DIP2A: variants seen among roughly 807,000 people sequenced by gnomAD.
The protein encoded by DIP2A is disco-interacting protein 2 homolog A.
DIP2A carries 85 observed loss-of-function variants against 177.4 expected under a neutral mutation model. The ratio of observed to expected loss-of-function variants is 0.48; its 90% CI spans 0.40 to 0.57. The LOEUF is 0.57. DIP2A is among the 20% of genes least tolerant of loss of function. The pLI is 0.00. For missense variants in DIP2A, 1,791 were observed against 2,100.2 expected, an observed-to-expected ratio of 0.85 and a Z score of 2.88; for synonymous variants, 886 against 881.8, an observed-to-expected ratio of 1.00 and a Z score of -0.08.
chr21:46,546,801 A>AG, intron 20 of DIP2A, 114 bp from the exon 21 acceptor site: 1 of 1,232,554 alleles, frequency 8.1e-7, no homozygotes, highest in East Asian at 2.5e-5. Context: ...CCCGTTTGCA[A>AG]GGCGCTAGAG....
chr21:46,563,588 T>C lies in DIP2A; in HGVS notation c.4090-270T>C, dbSNP rs2060740433. ...GCTGGCATCACCTGGCTGATTGTCTTTGTAGGCTTAGTGACCCTCTGCCCC... is the reference window on the plus strand; with the variant it reads ...GCTGGCATCACCTGGCTGATTGTCTCTGTAGGCTTAGTGACCCTCTGCCCC... On this transcript the variant is annotated intron_variant, in intron 34 of 37. Transcript: ENST00000417564. The surrounding 1 kb of genome is among the most constrained non-coding windows in gnomAD (Gnocchi z 4.3). 2.2e-6 allele frequency: 1 copy of C among 447,024 alleles called. No individual in the cohort carries two copies. Among genetic ancestry groups the C allele is most frequent in the Non-Finnish European group, 4.0e-6 (1 of 250,766 alleles). 27.7% of individuals were successfully genotyped at this position (447,024 alleles called of 1,614,324 possible).
intron 8 of DIP2A, among the ~76,000 whole-genome samples, chr21:46,513,978 C>T (rs1409201526): frequency 6.6e-6 from 1 of 152,080 alleles, no homozygotes; most frequent in African/African-American, 2.4e-5. Flanking sequence ...TTTTTAAAGG[C>T]CTGCTTCAAT....
intron 1 of DIP2A, among the ~76,000 whole-genome samples, chr21:46,474,582 C>A (rs757413170): frequency 1.6e-4 from 25 of 152,134 alleles, no homozygotes; most frequent in Non-Finnish European, 3.4e-4. Flanking sequence ...AATCATCAGG[C>A]AAAGATGACT....
chr21:46,567,475 G>A lies in DIP2A; in HGVS notation c.4569G>A (p.Glu1523=), dbSNP rs368627410. 1.9e-6 allele frequency: 3 copies of A among 1,614,000 alleles called. No homozygotes were observed. The highest frequency in any genetic ancestry group is 2.2e-5 in the East Asian group (1 of 44,882). Residue 1523 remains glutamate (E), a synonymous_variant, in exon 38 of 38, where the codon GAG becomes GAA. Transcript: ENST00000417564. ...CCCTGGTGACCAACGTGGTGCTGGA[G>A]GAGCACTACCTGGTCGTGGGAGTGG... ...LVALVTNVVL[E]EHYLVVGVVV... is the part of the protein sequence containing the mutation.
chr21:46,482,119 T>C (rs1440354566), intron 1 of DIP2A, among the ~76,000 whole-genome samples: 1 of 152,098 alleles, frequency 6.6e-6, no homozygotes, highest in African/African-American at 2.4e-5. Context: ...ATAAATTTGA[T>C]AAACCTCTAA....
intron 10 of DIP2A, among the ~76,000 whole-genome samples, chr21:46,533,117 G>T (rs2059420146): frequency 6.6e-6 from 1 of 152,198 alleles, no homozygotes; most frequent in South Asian, 2.1e-4. Flanking sequence ...ATGTGTTTCT[G>T]TGTGGAAATA....
intron 1 of DIP2A, among the ~76,000 whole-genome samples, chr21:46,477,399 C>T (rs1185177418): frequency 4.0e-5 from 6 of 151,352 alleles, no homozygotes; most frequent in Middle Eastern, 3.4e-3. Flanking sequence ...TGGTGGCAGG[C>T]GCCTGTAATC....
At chr21:46,485,027 A>G (rs1014163692) in intron 2 of DIP2A, among the ~76,000 whole-genome samples, 199 bp downstream of exon 2, 8 of 152,250 alleles carry the variant, frequency 5.3e-5, no homozygotes, top group Non-Finnish European at 1.2e-4. Flanking sequence ...AATATTAAAT[A>G]ATAAAATCCA....
intron 22 of DIP2A, chr21:46,550,212 C>A: frequency 1.4e-6 from 1 of 734,308 alleles, no homozygotes; most frequent in Non-Finnish European, 2.1e-6. Context: ...TGCAATATAT[C>A]TCAAAGAAAA....
At chr21:46,494,041 G>A (rs1210476107) in intron 3 of DIP2A, among the ~76,000 whole-genome samples, 1 of 152,168 alleles carries the variant, frequency 6.6e-6, no homozygotes, top group African/African-American at 2.4e-5. Flanking sequence ...TGTCGTAATA[G>A]TCTTGGTTTC....
At chr21:46,532,387 C>A in intron 10 of DIP2A, 150 bp downstream of exon 10, 1 of 626,664 alleles carries the variant, frequency 1.6e-6, no homozygotes, top group Non-Finnish European at 2.7e-6. Context: ...GGCCAGGACT[C>A]AAGAGAAATC....
intron 6 of DIP2A, among the ~76,000 whole-genome samples, chr21:46,507,547 G>A (rs1256366919): frequency 6.6e-6 from 1 of 151,838 alleles, no homozygotes; most frequent in South Asian, 2.1e-4. Context: ...TCTATTTCTG[G>A]GCTCTGGGCT....
chr21:46,471,048 A>G (rs572372791), intron 1 of DIP2A, among the ~76,000 whole-genome samples: 1 of 152,182 alleles, frequency 6.6e-6, no homozygotes, highest in East Asian at 1.9e-4. Flanking sequence ...GCCAGTACAT[A>G]TTTTGTTTAT....
intron 1 of DIP2A, among the ~76,000 whole-genome samples, chr21:46,471,712 C>G (rs955615985): frequency 6.6e-6 from 1 of 152,204 alleles, no homozygotes; most frequent in Non-Finnish European, 1.5e-5. Flanking sequence ...CCAAGGGTCT[C>G]CCTTCCCTTT....
chr21:46,515,452 CTT>C (rs59288880), intron 8 of DIP2A, among the ~76,000 whole-genome samples: 11 of 145,704 alleles, frequency 7.5e-5, no homozygotes, highest in East Asian at 4.0e-4. Flanking sequence ...CACACTTCCT[CTT>C]TTTTTTTTTT....
chr21:46,526,045 AT>A lies in DIP2A; in HGVS notation c.1103-3045del, dbSNP rs1256130877. 7.3e-5 allele frequency among the ~76,000 whole-genome samples: 11 copies of A among 151,664 alleles called. No individual in the cohort carries two copies. In the South Asian group the frequency reaches 2.1e-3, roughly 29 times the overall value. ...TGCCTCAGTCTCCTGAGTAGCTGGG[AT>A]TACAGGCGCCTGCCACCACACCCGG... On this transcript the variant is annotated intron_variant, in intron 8 of 37. Transcript: ENST00000417564.
intron 1 of DIP2A, among the ~76,000 whole-genome samples, chr21:46,480,097 A>G (rs1236840026): frequency 1.7e-5 from 2 of 119,220 alleles, no homozygotes; most frequent in African/African-American, 6.6e-5. Context: ...TTCAAGTTTT[A>G]TTATGGTCAG....
chr21:46,534,675 G>A lies in DIP2A; in HGVS notation c.1630G>A (p.Gly544Arg), dbSNP rs1029811226. Residue 544 changes from glycine to arginine, a missense_variant, in exon 13 of 38, where the codon GGG (glycine) becomes AGG (arginine). Physicochemically the swap from Gly to Arg is moderately radical, Grantham distance 125 (BLOSUM62 -2). Coordinates refer to ENST00000417564, the MANE Select transcript of DIP2A (RefSeq NM_015151.4). ...AQCRALTQAC[G>R]YSEAETLTNV... ...GTGCCGGGCTCTGACCCAGGCGTGC[G>A]GGTACTCAGAAGGTAAGGGCTCTCG... 3.5e-5 allele frequency: 57 copies of A among 1,609,194 alleles called. No homozygotes were observed. Among genetic ancestry groups the A allele is most frequent in the Non-Finnish European group, 4.7e-5 (56 of 1,179,756 alleles).
At chr21:46,479,477 C>G (rs774655260) in intron 1 of DIP2A, among the ~76,000 whole-genome samples, 1 of 152,168 alleles carries the variant, frequency 6.6e-6, no homozygotes, top group Non-Finnish European at 1.5e-5. Context: ...AGACAGTGGA[C>G]ATTCAAACAC....
Sources: allele counts gnomAD v4.1 joint callset (sites outside exome capture counted in the v4.1 genomes callset), GRCh38; gene constraint gnomAD v4.1.1; non-coding constraint Gnocchi (gnomAD v3.1); transcripts MANE v1.5; gene names NCBI Gene and HGNC (gene_info 2026-07-23, HGNC 2026-07-21).